GATA3: variants seen among roughly 807,000 people sequenced by gnomAD.
GATA3 encodes the protein GATA binding protein 3.
A neutral mutation model predicts 36.0 loss-of-function variants in GATA3; 6 were observed. The ratio of observed to expected loss-of-function variants is 0.17; its 90% CI spans 0.09 to 0.33. GATA3 has a LOEUF of 0.33. Among genes scored for constraint, GATA3 ranks in the 10% least tolerant of loss-of-function variants. The pLI is 1.00. For missense variants in GATA3, 514 were observed against 610.1 expected (o/e 0.84, Z 1.66); for synonymous variants, 326 against 273.0 (o/e 1.19, Z -1.92).
chr10:8,055,941 C>G lies in GATA3; in HGVS notation c.241+45C>G, dbSNP rs1383958971. 2.6e-6 allele frequency: 4 copies of G among 1,549,438 alleles called. No individual in the cohort carries two copies. The highest frequency in any genetic ancestry group is 2.6e-6 in the Non-Finnish European group (3 of 1,146,216). ...CGGGGCTCCCGCCGGCCGCTTCAGCCGTCCCGGCTCGGGGAGGTCGGGAGG... is the reference window on the plus strand; with the variant it reads ...CGGGGCTCCCGCCGGCCGCTTCAGCGGTCCCGGCTCGGGGAGGTCGGGAGG... On this transcript the variant is annotated intron_variant, in intron 2 of 5. Coordinates refer to ENST00000379328, the MANE Select transcript of GATA3 (RefSeq NM_001002295.2). This position sits in a 1 kb window ranked among gnomAD's most constrained non-coding sequence, Gnocchi z 5.4.
At chr10:8,062,657 C>A (rs910380998) in intron 3 of GATA3, among the ~76,000 whole-genome samples, 1 of 152,144 alleles carries the variant, frequency 6.6e-6, no homozygotes. Flanking sequence ...CCCAGTGGTC[C>A]GGGCAGGTTG....
chr10:8,069,449 C>T (rs1832896446), intron 4 of GATA3, 24 bp from the exon 5 acceptor site: 5 of 1,610,940 alleles, frequency 3.1e-6, no homozygotes, highest in Non-Finnish European at 4.2e-6. Context: ...TTGATTTCAC[C>T]CTCTCCTCTC....
chr10:8,050,637 G>T (rs1187374558), upstream of GATA3: 2 of 209,298 alleles, frequency 9.6e-6, no homozygotes, highest in Non-Finnish European at 1.9e-5. Flanking sequence ...TGTCTGCGCG[G>T]CCGGGACCGC....
chr10:8,067,796 C>A (rs563466238), intron 4 of GATA3, among the ~76,000 whole-genome samples: 1 of 152,038 alleles, frequency 6.6e-6, no homozygotes, highest in South Asian at 2.1e-4. Flanking sequence ...CCAGCCTGGG[C>A]GACAGAGCGA....
upstream of GATA3, among the ~76,000 whole-genome samples, chr10:8,054,042 G>T: frequency 6.6e-6 from 1 of 152,188 alleles, no homozygotes; most frequent in East Asian, 1.9e-4. This position sits in a 1 kb window ranked among gnomAD's most constrained non-coding sequence, Gnocchi z 4.2. Context: ...TCGGGAAAGA[G>T]GTGACAATGA....
chr10:8,054,023 G>A (rs1485933482), upstream of GATA3, among the ~76,000 whole-genome samples: 2 of 152,164 alleles, frequency 1.3e-5, no homozygotes, highest in African/African-American at 4.8e-5. The surrounding 1 kb of genome is among the most constrained non-coding windows in gnomAD (Gnocchi z 4.2). Flanking sequence ...GCTTGAGAGC[G>A]CAGAAGGCTC....
At position 8,047,467 on chromosome 10, in the gene GATA3, T is replaced by G. The variant is rs77066635; in HGVS notation, c.-370+1952T>G. ...AAATGTGCATTCTTCTCCTGGTATA[T>G]CTTTGTGTGCAGACCAAATCTTTCC... On this transcript the variant is annotated intron_variant, in intron 1 of 1. Transcript: ENST00000643001. Among the ~76,000 whole-genome samples, 248 of 152,368 alleles carry G rather than the reference T, an allele frequency of 1.6e-3. 1 individual carries two copies. Among genetic ancestry groups the G allele is most frequent in the African/African-American group, 5.6e-3 (233 of 41,594 alleles).
At chr10:8,073,090 A>G (rs1046369883) in intron 5 of GATA3, among the ~76,000 whole-genome samples, 1 of 139,356 alleles carries the variant, frequency 7.2e-6, no homozygotes, top group African/African-American at 2.7e-5. Context: ...GGTTGCAGTG[A>G]GCCGAGATCG....
chr10:8,052,024 A>C (rs1042698748), upstream of GATA3, among the ~76,000 whole-genome samples: 3 of 152,052 alleles, frequency 2.0e-5, no homozygotes, highest in South Asian at 6.2e-4. Context: ...TGGGCCCGTG[A>C]CGTCAAACCC....
At chr10:8,047,298 G>A (rs1243866846) in intron 1 of GATA3, among the ~76,000 whole-genome samples, 1 of 152,198 alleles carries the variant, frequency 6.6e-6, no homozygotes, top group Non-Finnish European at 1.5e-5. Flanking sequence ...ACCATAGGAG[G>A]TGGCAGGGAA....
intron 1 of GATA3, among the ~76,000 whole-genome samples, chr10:8,046,812 A>G (rs932356092): frequency 2.0e-5 from 3 of 152,016 alleles, no homozygotes; most frequent in African/African-American, 7.2e-5. Flanking sequence ...GTCGGGTCGC[A>G]TAGGGGGTCT....
upstream of GATA3, chr10:8,052,905 G>C (rs535740186): frequency 3.4e-5 from 5 of 149,210 alleles, no homozygotes; most frequent in South Asian, 6.5e-4. Flanking sequence ...GGCGGGGGGG[G>C]GGGGAGCTTT....
At position 8,055,531 on chromosome 10, in the gene GATA3, A is replaced by G; in HGVS notation, c.-125A>G. On this transcript the variant is annotated 5_prime_UTR_variant, in exon 2 of 6. Transcript: ENST00000379328. This position sits in a 1 kb window ranked among gnomAD's most constrained non-coding sequence, Gnocchi z 5.4. ...CCAGCCTTCCCATCCCCCCACCGAA[A>G]GCAAATCATTCAACGACCCCCGACC... is the stretch of plus-strand genomic sequence containing the variant. 9.6e-7 allele frequency: 1 copy of G among 1,039,760 alleles called. No individual in the cohort carries two copies. The highest frequency in any genetic ancestry group is 1.4e-6 in the Non-Finnish European group (1 of 728,946). 64.4% of individuals were successfully genotyped at this position (1,039,760 alleles called of 1,614,324 possible).
rs767899477 is a variant in GATA3, at chr10:8,058,405, C to T, written c.342C>T (p.Leu114=). The change falls in exon 3 of 6, where the codon CTC becomes CTT. Residue 114 remains leucine, a synonymous_variant. Coordinates refer to ENST00000379328, the MANE Select transcript of GATA3 (RefSeq NM_001002295.2). ...ACCACACCGCCTCCCCCTGGAATCT[C>T]AGCCCCTTCTCCAAGACGTCCATCC... ...GSHHTASPWN[L]SPFSKTSIHH... 72 of 1,612,974 alleles carry T rather than the reference C, an allele frequency of 4.5e-5. No homozygotes were observed. Among genetic ancestry groups the T allele is most frequent in the Non-Finnish European group, 5.9e-5 (70 of 1,179,988 alleles).
chr10:8,074,278 G>A lies in GATA3; in HGVS notation c.*255G>A, dbSNP rs1350603763. ...TATTTAACAGGGTCTCTAGTGCTGT[G>A]AAAAAAAAAATGCTGAACATTGCAT... On this transcript the variant is annotated 3_prime_UTR_variant, in exon 6 of 6. Coordinates refer to ENST00000379328, the MANE Select transcript of GATA3 (RefSeq NM_001002295.2). The A allele has an allele frequency of 4.8e-5, 19 of 392,984 alleles. No homozygotes were observed. Among genetic ancestry groups the A allele is most frequent in the Non-Finnish European group, 6.3e-5 (14 of 221,078 alleles). 24.3% of individuals were successfully genotyped at this position (392,984 alleles called of 1,614,324 possible). A position where few individuals can be genotyped will look rare whatever the true frequency, so the allele number is the denominator to read the frequency against.
At chr10:8,049,607 G>C (rs1017919749), upstream of GATA3, among the ~76,000 whole-genome samples, 1 of 152,126 alleles carries the variant, frequency 6.6e-6, no homozygotes, top group South Asian at 2.1e-4. Context: ...GCCTGGAGCC[G>C]TGTCCCCGGC....
intron 2 of GATA3, among the ~76,000 whole-genome samples, chr10:8,056,983 T>G (rs1832650883): frequency 6.6e-6 from 1 of 152,180 alleles, no homozygotes; most frequent in African/African-American, 2.4e-5. Flanking sequence ...ACGGATGACA[T>G]AGCCCCTCCG....
At chr10:8,070,964 G>T (rs34424419) in intron 5 of GATA3, among the ~76,000 whole-genome samples, 3,276 of 152,254 alleles carry the variant, frequency 0.022, 52 homozygotes, top group South Asian at 0.066. Flanking sequence ...TAGAGATAGA[G>T]ATTCGTGATT....
In GATA3 at chr10:8,065,365, C is replaced by A. The variant is rs571140778; in HGVS notation, c.924+1227C>A. On this transcript the variant is annotated intron_variant, in intron 4 of 5. Transcript: ENST00000379328. Reference sequence around the variant, plus strand: ...CTCCACCTCCCGGGTTCAAGCAATTCTCCTGTCTCAGCCTCCTGAATAGCT... The same window carrying A: ...CTCCACCTCCCGGGTTCAAGCAATTATCCTGTCTCAGCCTCCTGAATAGCT... 8.3e-5 allele frequency among the ~76,000 whole-genome samples: 12 copies of A among 143,938 alleles called. No homozygotes were observed. In the East Asian group the frequency reaches 2.6e-3, roughly 31 times the overall value. 94.4% of individuals were successfully genotyped at this position (143,938 alleles called of 152,430 possible).
Sources: gnomAD v4.1 joint callset for allele counts (sites outside exome capture counted in the v4.1 genomes callset) on GRCh38, gnomAD v4.1.1 for gene constraint, Gnocchi (gnomAD v3.1) non-coding constraint, MANE v1.5 for transcripts, NCBI Gene and HGNC (gene_info 2026-07-23, HGNC 2026-07-21) for gene names.